Variants in ZCCHC8 observed in about 807,000 individuals in gnomAD.
The protein encoded by ZCCHC8 is zinc finger CCHC-type containing 8.
Under a neutral mutation model 70.6 loss-of-function variants are expected in ZCCHC8, and 27 were observed. The observed-to-expected ratio is 0.38, with a 90% CI of 0.28 to 0.53. The LOEUF (loss-of-function observed/expected upper bound fraction) is 0.53. ZCCHC8 is among the 20% of genes least tolerant of loss of function. The pLI is 0.81. For missense variants in ZCCHC8, 737 were observed against 876.9 expected (o/e 0.84, Z 2.01); for synonymous variants, 293 against 317.4 (o/e 0.92, Z 0.82).
In ZCCHC8 at chr12:122,482,019, A is replaced by G. The variant is rs1342587648; in HGVS notation, c.801T>C (p.Asn267=). 1 of 1,613,204 alleles carries G rather than the reference A, an allele frequency of 6.2e-7. No individual in the cohort carries two copies. Residue 267 remains asparagine (N), a synonymous_variant, in exon 9 of 14, where the codon AAT becomes AAC. Coordinates refer to ENST00000633063, the MANE Select transcript of ZCCHC8 (RefSeq NM_017612.5). ...EYMDACGEAN[N]QNFQQRYHAE... ...CGTGGTATCGCTGCTGGAAATTCTGATTGTTTGCTTCTCCACAGGCATCCA... is the reference window on the plus strand; with the variant it reads ...CGTGGTATCGCTGCTGGAAATTCTGGTTGTTTGCTTCTCCACAGGCATCCA...
chr12:122,481,998 G>A lies in ZCCHC8; in HGVS notation c.822C>T (p.Tyr274=). ...EANNQNFQQR[Y]HAEEVEERFG... ...ATCTTTCTTCTACTTCTTCTGCGTG[G>A]TATCGCTGCTGGAAATTCTGATTGT... is the stretch of plus-strand genomic sequence containing the variant. Residue 274 remains tyrosine, a synonymous_variant, in exon 9 of 14, where the codon TAC becomes TAT. Transcript: ENST00000633063. 1 of 1,613,310 alleles carries A rather than the reference G, an allele frequency of 6.2e-7. No homozygotes were observed. Among genetic ancestry groups the A allele is most frequent in the Non-Finnish European group, 8.5e-7 (1 of 1,179,710 alleles).
Position 122,500,425 on chromosome 12 carries a change from G to T in ZCCHC8, c.199+217C>A. 1 of 622,024 alleles carries T rather than the reference G, an allele frequency of 1.6e-6. No homozygotes were observed. Among genetic ancestry groups the T allele is most frequent in the Non-Finnish European group, 2.7e-6 (1 of 366,964 alleles). 38.5% of individuals were successfully genotyped at this position (622,024 alleles called of 1,614,324 possible). A position where few individuals can be genotyped will look rare whatever the true frequency, so the allele number is the denominator to read the frequency against. ...CAGGAGTGGGTCTGGTCAGGAGACG[G>T]CCTCCCTGAGGGGAAGAGGTCTGCG... On this transcript the variant is annotated intron_variant, in intron 1 of 13. Coordinates refer to ENST00000633063, the MANE Select transcript of ZCCHC8 (RefSeq NM_017612.5). The surrounding 1 kb of genome is among the most constrained non-coding windows in gnomAD (Gnocchi z 4.8).
At chr12:122,482,330 G>T in intron 8 of ZCCHC8, 1 of 444,434 alleles carries the variant, frequency 2.3e-6, no homozygotes. Flanking sequence ...TAATTCTCAT[G>T]TTTATTCATC....
In ZCCHC8 at chr12:122,500,931, C is replaced by T. The variant is rs1957919233; in HGVS notation, c.-91G>A. Reference sequence around the variant, plus strand: ...GAAGGCGGCACCACTCTCTAGAGCTCTGGCCGCACGGAGCCACCCGCTAGG... The same window carrying T: ...GAAGGCGGCACCACTCTCTAGAGCTTTGGCCGCACGGAGCCACCCGCTAGG... On this transcript the variant is annotated 5_prime_UTR_variant, in exon 1 of 14. Transcript: ENST00000633063. The surrounding 1 kb of genome is among the most constrained non-coding windows in gnomAD (Gnocchi z 4.8). 1 of 1,380,834 alleles carries T rather than the reference C, an allele frequency of 7.2e-7. No individual in the cohort carries two copies. Among genetic ancestry groups the T allele is most frequent in the Non-Finnish European group, 9.9e-7 (1 of 1,013,440 alleles). The allele number at this position is 1,380,834 out of a possible 1,614,324, so 85.5% of individuals were successfully genotyped here.
chr12:122,483,611 A>G lies in ZCCHC8; in HGVS notation c.502-48T>C. On this transcript the variant is annotated intron_variant, in intron 5 of 13. Coordinates refer to ENST00000633063, the MANE Select transcript of ZCCHC8 (RefSeq NM_017612.5). This position sits in a 1 kb window ranked among gnomAD's most constrained non-coding sequence, Gnocchi z 4.4. ...TATTGCTATTTAAGCAGAAAAAAAG[A>G]CATTAAATAATGTAAGATTATGATT... The G allele has an allele frequency of 3.0e-6, 4 of 1,316,246 alleles. No homozygotes were observed. The highest frequency in any genetic ancestry group is 4.2e-6 in the Non-Finnish European group (4 of 941,732). 81.5% of individuals were successfully genotyped at this position (1,316,246 alleles called of 1,614,324 possible). A position where few individuals can be genotyped will look rare whatever the true frequency, so the allele number is the denominator to read the frequency against.
rs773893626 is a variant in ZCCHC8 at position 122,492,800 on chromosome 12, A to C, written c.243-11T>G. 6.7e-6 allele frequency: 10 copies of C among 1,487,104 alleles called. No homozygotes were observed. Among genetic ancestry groups the C allele is most frequent in the Non-Finnish European group, 9.2e-6 (10 of 1,088,480 alleles). The allele number at this position is 1,487,104 out of a possible 1,614,324, so 92.1% of individuals were successfully genotyped here. A position where few individuals can be genotyped will look rare whatever the true frequency, so the allele number is the denominator to read the frequency against. ...TTCACCAATATTCCACTAAAACAGA[A>C]GTTAGAACATATTCTTAGAAGATAT... On this transcript the variant is annotated splice_polypyrimidine_tract_variant and intron_variant, in intron 2 of 13. Coordinates refer to ENST00000633063, the MANE Select transcript of ZCCHC8 (RefSeq NM_017612.5).
chr12:122,489,533 G>A, intron 4 of ZCCHC8, 70 bp from the exon 5 acceptor site: 1 of 1,352,448 alleles, frequency 7.4e-7, no homozygotes, highest in Admixed American at 1.9e-5. Flanking sequence ...AAGTTAGTAA[G>A]TTTAGAAATT....
Position 122,500,725 on chromosome 12 carries a change from T to A in ZCCHC8, c.116A>T (p.Glu39Val), listed in dbSNP as rs1468036472. ...TRFKDDDGDE[E>V]DENGVGDAEL... Reference sequence around the variant, plus strand: ...CGCGTCGCCGACCCCATTTTCGTCCTCCTCGTCGCCGTCGTCGTCCTTGAA... The same window carrying A: ...CGCGTCGCCGACCCCATTTTCGTCCACCTCGTCGCCGTCGTCGTCCTTGAA... The change falls in exon 1 of 14, where the codon GAG becomes GTG. Residue 39 changes from glutamate (E) to valine (V), a missense_variant. By Grantham distance (121) the Glu-to-Val change is moderately radical (BLOSUM62 -2). Coordinates refer to ENST00000633063, the MANE Select transcript of ZCCHC8 (RefSeq NM_017612.5). The surrounding 1 kb of genome is among the most constrained non-coding windows in gnomAD (Gnocchi z 4.8). The A allele has an allele frequency of 6.3e-7, 1 of 1,583,498 alleles. No individual in the cohort carries two copies. Among genetic ancestry groups the A allele is most frequent in the African/African-American group, 1.3e-5 (1 of 74,142 alleles).
chr12:122,492,684 T>C, intron 3 of ZCCHC8, 31 bp downstream of exon 3: 1 of 1,354,848 alleles, frequency 7.4e-7, no homozygotes, highest in Non-Finnish European at 1.0e-6. Context: ...AAACACATTA[T>C]TATATTTAGG....
chr12:122,493,422 A>AT (rs1185908455), intron 2 of ZCCHC8, among the ~76,000 whole-genome samples: 1 of 151,754 alleles, frequency 6.6e-6, no homozygotes, highest in East Asian at 1.9e-4. Flanking sequence ...TTACAAGAAT[A>AT]TACTTCCTCT....
intron 2 of ZCCHC8, among the ~76,000 whole-genome samples, chr12:122,497,917 G>A (rs1356857245): frequency 6.6e-6 from 1 of 152,022 alleles, no homozygotes; most frequent in African/African-American, 2.4e-5. Context: ...GCTGAGGCGG[G>A]AGGATCAAGG....
chr12:122,478,939 TATC>T (rs1957476185), intron 11 of ZCCHC8, among the ~76,000 whole-genome samples: 1 of 152,206 alleles, frequency 6.6e-6, no homozygotes, highest in Admixed American at 6.5e-5. Context: ...TGATGGTTTG[TATC>T]ATGCACTTCC....
chr12:122,483,687 C>T lies in ZCCHC8; in HGVS notation c.502-124G>A. On this transcript the variant is annotated intron_variant, in intron 5 of 13. Coordinates refer to ENST00000633063, the MANE Select transcript of ZCCHC8 (RefSeq NM_017612.5). The surrounding 1 kb of genome is among the most constrained non-coding windows in gnomAD (Gnocchi z 4.4). ...ATGGAATTATTAGAAATAATAACTT[C>T]CTTGTTATTAAGGAGCCAGACTTTG... The T allele has an allele frequency of 2.4e-6, 2 of 824,362 alleles. No individual in the cohort carries two copies. The highest frequency in any genetic ancestry group is 3.8e-6 in the Non-Finnish European group (2 of 533,024). The allele number at this position is 824,362 out of a possible 1,614,324, so 51.1% of individuals were successfully genotyped here.
chr12:122,474,731 GCT>G (rs1250046527), intron 13 of ZCCHC8, among the ~76,000 whole-genome samples: 18 of 144,594 alleles, frequency 1.2e-4, no homozygotes, highest in Admixed American at 1.2e-3. Flanking sequence ...TTATTTCCTA[GCT>G]CTTTTTTTTT....
chr12:122,481,428 A>T, intron 10 of ZCCHC8, 94 bp downstream of exon 10: 9 of 1,448,228 alleles, frequency 6.2e-6, no homozygotes, highest in Non-Finnish European at 8.4e-6. Context: ...CACATTAAAG[A>T]AGCCGGCCAT....
At position 122,474,014 on chromosome 12, in the gene ZCCHC8, C is replaced by G. The variant is rs1483477089; in HGVS notation, c.1607G>C (p.Ser536Thr). 6.4e-7 allele frequency: 1 copy of G among 1,555,298 alleles called. No homozygotes were observed. The highest frequency in any genetic ancestry group is 1.4e-5 in the African/African-American group (1 of 72,838). The change falls in exon 14 of 14, where the codon AGC becomes ACC. Residue 536 changes from serine (S) to threonine (T), a missense_variant. Ser to Thr is a moderately conservative substitution (Grantham distance 58). Transcript: ENST00000633063. ...RIWAALEQAE[S>T]VNSDSDVPVD... ...AGGAACGTCGGAGTCGCTGTTTACG[C>G]TCTCGGCCTGCTCAAGAGCTGCCCA...
rs1957344461 is a variant in ZCCHC8 at position 122,473,033 on chromosome 12, C to T, written c.*464G>A. ...CACATGTAAATCACTTACAAAAATA[C>T]CCCAAATGGGATAAAGCTGCTCATC... On this transcript the variant is annotated 3_prime_UTR_variant, in exon 14 of 14. Transcript: ENST00000633063. The T allele has an allele frequency of 6.4e-6, 1 of 155,630 alleles. No individual in the cohort carries two copies. The highest frequency in any genetic ancestry group is 2.0e-4 in the South Asian group (1 of 5,082). The allele number at this position is 155,630 out of a possible 1,614,324, so 9.6% of individuals were successfully genotyped here. A position where few individuals can be genotyped will look rare whatever the true frequency, so the allele number is the denominator to read the frequency against.
Position 122,483,464 on chromosome 12 carries a change from G to T in ZCCHC8, c.601C>A (p.Pro201Thr). ...TTCATTCACTATGTAGGATACTTGG[G>T]TATTTCCCATCCTTCGGAAAGCTGA... ...NPQLSEGWEI[P>T]KYHQVFSHIV... Residue 201 changes from proline (P) to threonine (T), a missense_variant, in exon 6 of 14, where the codon CCC (proline) becomes ACC (threonine). Transcript: ENST00000633063. This position sits in a 1 kb window ranked among gnomAD's most constrained non-coding sequence, Gnocchi z 4.4. 6.3e-7 allele frequency: 1 copy of T among 1,590,166 alleles called. No homozygotes were observed. The highest frequency in any genetic ancestry group is 8.6e-7 in the Non-Finnish European group (1 of 1,166,884).
chr12:122,483,304 G>T lies in ZCCHC8; in HGVS notation c.646C>A (p.Gln216Lys), dbSNP rs1191723680. 6.3e-6 allele frequency: 10 copies of T among 1,599,972 alleles called. No individual in the cohort carries two copies. Among genetic ancestry groups the T allele is most frequent in the Non-Finnish European group, 8.5e-6 (10 of 1,172,300 alleles). Residue 216 changes from glutamine (Q) to lysine (K), a missense_variant, in exon 7 of 14, where the codon CAA (glutamine) becomes AAA (lysine). Coordinates refer to ENST00000633063, the MANE Select transcript of ZCCHC8 (RefSeq NM_017612.5). The surrounding 1 kb of genome is among the most constrained non-coding windows in gnomAD (Gnocchi z 4.4). ...VFSHIVSLEG[Q>K]EIQVKAKRPK... The stretch of plus-strand genomic sequence containing the variant: ...CTTTTTGCCTTTACTTGTATTTCTT[G>T]CCCTTCTAGAGAAACAATGTGGCTG...
Sources: allele counts gnomAD v4.1 joint callset (sites outside exome capture counted in the v4.1 genomes callset), GRCh38; gene constraint gnomAD v4.1.1; non-coding constraint Gnocchi (gnomAD v3.1); transcripts MANE v1.5; gene names NCBI Gene and HGNC (gene_info 2026-07-23, HGNC 2026-07-21).